Variants in FIBCD1 observed in about 807,000 individuals in gnomAD.
FIBCD1 encodes fibrinogen C domain containing 1, also known as fibrinogen C domain-containing protein 1.
In FIBCD1, 47 loss-of-function variants were observed where a neutral mutation model predicts 45.1. The observed-to-expected ratio is 1.04, with a 90% CI of 0.82 to 1.33. The LOEUF is 1.33. Among genes scored for constraint, FIBCD1 ranks in the 40% most tolerant of loss-of-function variants. The pLI, the probability that FIBCD1 is intolerant of heterozygous loss-of-function variation, is 0.00. For missense variants in FIBCD1, 653 were observed against 682.2 expected (o/e 0.96, Z 0.48); for synonymous variants, 313 against 308.1 (o/e 1.02, Z -0.17).
rs771501407 is a variant in FIBCD1, at chr9:130,905,431, ATGG to A, written c.947-21_947-19del. On this transcript the variant is annotated intron_variant, in intron 5 of 6. Transcript: ENST00000372338. The stretch of plus-strand genomic sequence containing the variant: ...CTTGAGCCCTGAAGTTGGGGGGAAA[ATGG>A]TGGGAGAAGCTGAGGGGCGTAGGAA... 40 of 1,598,410 alleles carry A rather than the reference ATGG, an allele frequency of 2.5e-5. 2 individuals carry two copies. The South Asian group carries it at 4.5e-4, about 18-fold the overall frequency.
At position 130,924,274 on chromosome 9, in the gene FIBCD1, C is replaced by T. The variant is rs540768263; in HGVS notation, c.675G>A (p.Ala225=). The change falls in exon 3 of 7, where the codon GCG becomes GCA. Residue 225 remains alanine (A), a synonymous_variant. Transcript: ENST00000372338. ...CCCGGGGCCGGGTTCCCCGGGCAGG[C>T]GCTCTCTGAAGGTCGGCCTTGTTGC... ...RPRNKADLQR[A]PARGTRPRGC... is the part of the protein sequence containing the mutation. The T allele has an allele frequency of 4.6e-5, 73 of 1,601,590 alleles. No homozygotes were observed. The highest frequency in any genetic ancestry group is 3.1e-4 in the African/African-American group (23 of 74,972).
chr9:130,935,354 A>G (rs1564342205), intron 1 of FIBCD1, among the ~76,000 whole-genome samples: 1 of 152,110 alleles, frequency 6.6e-6, no homozygotes. Context: ...AATCATGTCT[A>G]TTTCTAGATC....
intron 4 of FIBCD1, among the ~76,000 whole-genome samples, chr9:130,917,346 C>T (rs1478903962): frequency 6.6e-6 from 1 of 152,230 alleles, no homozygotes; most frequent in African/African-American, 2.4e-5. Flanking sequence ...CCCGGCGCAC[C>T]TTGGAAGTGC....
In FIBCD1 at chr9:130,925,465, C is replaced by T. The variant is rs186009971; in HGVS notation, c.553-1069G>A. Among the ~76,000 whole-genome samples the T allele has an allele frequency of 4.7e-3, 711 of 152,304 alleles. 4 individuals are homozygous for T. Among genetic ancestry groups the T allele is most frequent in the Non-Finnish European group, 8.1e-3 (549 of 68,008 alleles). ...TGTGTTTTGACTCCAGTCCCTCCCCCGTTCACTAGCTGCGTGACCCCGGAA... is the reference window on the plus strand; with the variant it reads ...TGTGTTTTGACTCCAGTCCCTCCCCTGTTCACTAGCTGCGTGACCCCGGAA... On this transcript the variant is annotated intron_variant, in intron 2 of 6. Coordinates refer to ENST00000372338, the MANE Select transcript of FIBCD1 (RefSeq NM_032843.5).
chr9:130,910,389 A>G (rs1832015128), intron 5 of FIBCD1, among the ~76,000 whole-genome samples: 2 of 152,276 alleles, frequency 1.3e-5, no homozygotes, highest in South Asian at 4.1e-4. Context: ...GCAGCCCGCC[A>G]TGCCTGAGCC....
At chr9:130,905,176 G>A (rs1831903522) in intron 6 of FIBCD1, 58 bp downstream of exon 6, 18 of 1,534,516 alleles carry the variant, frequency 1.2e-5, no homozygotes, top group Admixed American at 1.8e-5. Context: ...GACCTCCTCC[G>A]TCCTCCATCC....
Position 130,904,341 on chromosome 9 carries a change from C to G in FIBCD1, c.1127-18G>C. Reference sequence around the variant, plus strand: ...GGAGTCGCCTGCGCAGGGGTGCACACAGGTGTGGGCACGGGGGGCACGGGT... The same window carrying G: ...GGAGTCGCCTGCGCAGGGGTGCACAGAGGTGTGGGCACGGGGGGCACGGGT... On this transcript the variant is annotated intron_variant, in intron 6 of 6. Transcript: ENST00000372338. The G allele has an allele frequency of 1.3e-6, 2 of 1,588,452 alleles. No individual in the cohort carries two copies. The highest frequency in any genetic ancestry group is 1.7e-6 in the Non-Finnish European group (2 of 1,164,804).
intron 4 of FIBCD1, among the ~76,000 whole-genome samples, chr9:130,918,020 A>AGC (rs1297987477): frequency 8.5e-5 from 13 of 152,238 alleles, no homozygotes; most frequent in Admixed American, 3.9e-4. Flanking sequence ...CACAGGGATG[A>AGC]CCTTGGCCCT....
chr9:130,918,880 C>T (rs749181974), intron 4 of FIBCD1, among the ~76,000 whole-genome samples: 3 of 152,196 alleles, frequency 2.0e-5, no homozygotes, highest in East Asian at 1.9e-4. Context: ...CGCGCAGGGC[C>T]GGTGGGGAAG....
At chr9:130,915,902 AC>A (rs1465901492) in intron 4 of FIBCD1, among the ~76,000 whole-genome samples, 2 of 152,098 alleles carry the variant, frequency 1.3e-5, no homozygotes, top group African/African-American at 4.8e-5. Context: ...CAGACTCCAG[AC>A]TTAGCTTAAT....
chr9:130,940,144 A>T (rs551221854), upstream of FIBCD1, among the ~76,000 whole-genome samples: 24 of 152,038 alleles, frequency 1.6e-4, no homozygotes, highest in Non-Finnish European at 3.1e-4. Context: ...CCCTCTCCCG[A>T]TCCCTCTACG....
rs1832306683 is a variant in FIBCD1 at position 130,923,846 on chromosome 9, T to C, written c.747A>G (p.Leu249=). The change falls in exon 4 of 7, where the codon CTA becomes CTG. Residue 249 remains leucine (L), a synonymous_variant. Coordinates refer to ENST00000372338, the MANE Select transcript of FIBCD1 (RefSeq NM_032843.5). ...SRPRDCLDVL[L]SGQQDDGVYS... ...AGACGCCATCGTCCTGCTGTCCGCT[T>C]AGGAGGACGTCCAGACAGTCTCGGG... The C allele has an allele frequency of 1.9e-6, 3 of 1,612,430 alleles. No homozygotes were observed. The highest frequency in any genetic ancestry group is 2.5e-6 in the Non-Finnish European group (3 of 1,179,898).
chr9:130,905,169 C>T, intron 6 of FIBCD1, 65 bp downstream of exon 6: 1 of 1,474,882 alleles, frequency 6.8e-7, no homozygotes, highest in Non-Finnish European at 9.2e-7. Flanking sequence ...AGGGCAGGAC[C>T]TCCTCCGTCC....
At position 130,909,015 on chromosome 9, in the gene FIBCD1, G is replaced by A. The variant is rs530947648; in HGVS notation, c.946+2777C>T. 2.6e-5 allele frequency among the ~76,000 whole-genome samples: 4 copies of A among 152,100 alleles called. No homozygotes were observed. The East Asian group carries it at 5.8e-4, about 22-fold the overall frequency. On this transcript the variant is annotated intron_variant, in intron 5 of 6. Coordinates refer to ENST00000372338, the MANE Select transcript of FIBCD1 (RefSeq NM_032843.5). The stretch of plus-strand genomic sequence containing the variant: ...ACAGGCCTGGAGCCCTCCTGACCCC[G>A]GCTGGTGCCCAGACCTGCGCTCTCA...
At chr9:130,917,089 C>T (rs969207983) in intron 4 of FIBCD1, among the ~76,000 whole-genome samples, 1 of 147,892 alleles carries the variant, frequency 6.8e-6, no homozygotes, top group South Asian at 2.2e-4. Context: ...CAGAGTGAGA[C>T]CTCGTCTTAA....
chr9:130,911,588 C>T (rs941733881), intron 5 of FIBCD1, among the ~76,000 whole-genome samples: 3 of 152,250 alleles, frequency 2.0e-5, no homozygotes, highest in African/African-American at 4.8e-5. Flanking sequence ...AGCCCACCCA[C>T]GCTGACACTT....
intron 4 of FIBCD1, among the ~76,000 whole-genome samples, chr9:130,919,802 G>C (rs2091479): frequency 6.6e-6 from 1 of 152,166 alleles, no homozygotes; most frequent in East Asian, 1.9e-4. Context: ...AGGTAGGTAT[G>C]GGGTCCTATC....
intron 4 of FIBCD1, among the ~76,000 whole-genome samples, chr9:130,921,359 G>A (rs1832258043): frequency 6.6e-6 from 1 of 152,262 alleles, no homozygotes; most frequent in South Asian, 2.1e-4. Flanking sequence ...GATTCCATGT[G>A]GCGGGGGGTG....
At chr9:130,923,060 T>C (rs1472781003) in intron 4 of FIBCD1, among the ~76,000 whole-genome samples, 1 of 152,172 alleles carries the variant, frequency 6.6e-6, no homozygotes, top group African/African-American at 2.4e-5. Flanking sequence ...CGGAACCCAG[T>C]ATACAGTAGG....
Sources: allele counts gnomAD v4.1 joint callset (sites outside exome capture counted in the v4.1 genomes callset), GRCh38; gene constraint gnomAD v4.1.1; transcripts MANE v1.5; gene names NCBI Gene and HGNC (gene_info 2026-07-23, HGNC 2026-07-21).